AGBL4: variants seen among roughly 807,000 people sequenced by gnomAD.
AGBL4 encodes the protein cytosolic carboxypeptidase 6.
AGBL4 carries 58 observed loss-of-function variants against 66.4 expected under a neutral mutation model. The observed-to-expected ratio is 0.87, with a 90% confidence interval of 0.71 to 1.09. The LOEUF is 1.09. Ranked by LOEUF, AGBL4 falls within the 50% of genes least tolerant of loss-of-function variation. The pLI, the probability that AGBL4 is intolerant of heterozygous loss-of-function variation, is 0.00. For synonymous variants in AGBL4, 234 were observed against 222.9 expected (o/e 1.05, Z -0.44); for missense variants, 579 against 631.0 (o/e 0.92, Z 0.88).
intron 6 of AGBL4, among the ~76,000 whole-genome samples, chr1:48,680,595 C>T (rs568290956): frequency 6.6e-6 from 1 of 152,348 alleles, no homozygotes; most frequent in East Asian, 1.9e-4. Context: ...TTCAGTGGCA[C>T]ATGCTGAAAA....
chr1:49,763,263 G>A (rs1652477524), intron 2 of AGBL4, among the ~76,000 whole-genome samples: 1 of 152,198 alleles, frequency 6.6e-6, no homozygotes. Flanking sequence ...CCCATGCTGT[G>A]TTAGTTACTA....
chr1:48,748,293 C>T (rs1032600382), intron 6 of AGBL4, among the ~76,000 whole-genome samples: 6 of 152,192 alleles, frequency 3.9e-5, no homozygotes, highest in Non-Finnish European at 8.8e-5. Flanking sequence ...CTGTAGCGTG[C>T]CTCTGTTTCT....
intron 4 of AGBL4, among the ~76,000 whole-genome samples, chr1:49,053,705 A>T (rs74850873): frequency 0.045 from 6,786 of 152,208 alleles, 207 homozygotes; most frequent in East Asian, 0.11. Flanking sequence ...TCTTAAAAAA[A>T]TTTTTTGTCT....
chr1:49,168,899 G>T (rs748000291), intron 4 of AGBL4, among the ~76,000 whole-genome samples: 32 of 152,160 alleles, frequency 2.1e-4, no homozygotes, highest in Non-Finnish European at 4.1e-4. Context: ...GTCAGCAGCC[G>T]CTGGGGACCA....
chr1:49,845,243 A>G, intron 2 of AGBL4: 1 of 1,550,568 alleles, frequency 6.4e-7, no homozygotes, highest in South Asian at 1.1e-5. Flanking sequence ...GAGAAACCCT[A>G]TAAATGCACT....
At chr1:49,481,224 A>G (rs1646949604) in intron 3 of AGBL4, among the ~76,000 whole-genome samples, 1 of 152,058 alleles carries the variant, frequency 6.6e-6, no homozygotes, top group Admixed American at 6.6e-5. Flanking sequence ...TTTGGGTAGT[A>G]TGGCCATTTT....
In AGBL4 at chr1:49,807,584, T is replaced by A. The variant is rs999662809; in HGVS notation, c.157+43812A>T. Among the ~76,000 whole-genome samples the A allele has an allele frequency of 9.2e-5, 14 of 152,314 alleles. No homozygotes were observed. The South Asian group carries it at 1.4e-3, about 16-fold the overall frequency. On this transcript the variant is annotated intron_variant, in intron 2 of 13. Coordinates refer to ENST00000371839, the MANE Select transcript of AGBL4 (RefSeq NM_032785.4). ...GAGTCTCATCCATATCTAATTGAGA[T>A]GATAGATGAGACTCTGGACTTTTGA...
chr1:49,140,694 TC>T (rs1476102949), intron 4 of AGBL4, among the ~76,000 whole-genome samples: 5 of 152,240 alleles, frequency 3.3e-5, no homozygotes, highest in Non-Finnish European at 7.3e-5. Context: ...GATAAGGACT[TC>T]TTGGATGTGC....
intron 6 of AGBL4, among the ~76,000 whole-genome samples, chr1:48,668,194 A>T (rs1646219528): frequency 6.6e-6 from 1 of 152,174 alleles, no homozygotes; most frequent in Admixed American, 6.5e-5. Flanking sequence ...CTGGAGAAAC[A>T]AGACATCGCT....
At chr1:49,614,831 T>A (rs77024414) in intron 3 of AGBL4, among the ~76,000 whole-genome samples, 4,208 of 152,278 alleles carry the variant, frequency 0.028, 167 homozygotes, top group African/African-American at 0.096. Flanking sequence ...GTAACTGTTT[T>A]ATATTACATT....
chr1:49,455,771 T>C (rs1646374719), intron 3 of AGBL4, among the ~76,000 whole-genome samples: 1 of 151,726 alleles, frequency 6.6e-6, no homozygotes, highest in South Asian at 2.1e-4. Context: ...CTCTTATACC[T>C]CATCTCCTGC....
chr1:49,563,277 T>C (rs1262252944), intron 3 of AGBL4, among the ~76,000 whole-genome samples: 1 of 152,054 alleles, frequency 6.6e-6, no homozygotes, highest in African/African-American at 2.4e-5. Flanking sequence ...GACTTCCTCT[T>C]TTCCTAATTG....
At chr1:49,803,197 A>G (rs927158120) in intron 2 of AGBL4, among the ~76,000 whole-genome samples, 1 of 152,006 alleles carries the variant, frequency 6.6e-6, no homozygotes. Flanking sequence ...TTTTTACTCA[A>G]CAATGTTCAT....
chr1:49,573,380 A>T (rs867667476), intron 3 of AGBL4, among the ~76,000 whole-genome samples: 1 of 152,156 alleles, frequency 6.6e-6, no homozygotes, highest in South Asian at 2.1e-4. Context: ...GAACACTGAT[A>T]GTCCTTGACA....
At chr1:49,358,395 T>C (rs917924453) in intron 3 of AGBL4, among the ~76,000 whole-genome samples, 1 of 150,974 alleles carries the variant, frequency 6.6e-6, no homozygotes, top group Admixed American at 6.6e-5. Context: ...GCTTAAAATG[T>C]ATATAAGCAC....
chr1:48,578,571 T>G (rs1239907922), intron 11 of AGBL4, among the ~76,000 whole-genome samples: 1 of 152,198 alleles, frequency 6.6e-6, no homozygotes, highest in African/African-American at 2.4e-5. Context: ...CTTCCTACTC[T>G]TCTGTCCTCC....
chr1:49,787,474 G>C (rs891428834), intron 2 of AGBL4, among the ~76,000 whole-genome samples: 1 of 149,648 alleles, frequency 6.7e-6, no homozygotes, highest in Non-Finnish European at 1.5e-5. Context: ...CTGCACTCCA[G>C]CCTGGGCGAC....
chr1:48,582,182 T>C (rs1379874560), intron 11 of AGBL4, among the ~76,000 whole-genome samples: 1 of 152,224 alleles, frequency 6.6e-6, no homozygotes, highest in Non-Finnish European at 1.5e-5. Context: ...GGGACACTTT[T>C]GTATTGATTT....
At chr1:48,597,019 T>G (rs1645004516) in intron 9 of AGBL4, among the ~76,000 whole-genome samples, 1 of 152,174 alleles carries the variant, frequency 6.6e-6, no homozygotes, top group Non-Finnish European at 1.5e-5. Flanking sequence ...GGTGTTCTCG[T>G]ACTCTGGGCT....
Sources: allele counts gnomAD v4.1 joint callset (sites outside exome capture counted in the v4.1 genomes callset), GRCh38; gene constraint gnomAD v4.1.1; transcripts MANE v1.5; gene names NCBI Gene and HGNC (gene_info 2026-07-23, HGNC 2026-07-21).